CNST: variants seen among roughly 807,000 people sequenced by gnomAD.
CNST encodes consortin.
A neutral mutation model predicts 72.4 loss-of-function variants in CNST; 39 were observed. The observed-to-expected ratio is 0.54, with a 90% CI of 0.42 to 0.70. The LOEUF (loss-of-function observed/expected upper bound fraction) is 0.70, where lower values mean the gene tolerates loss of function less well. Ranked by LOEUF, CNST falls within the 30% of genes least tolerant of loss-of-function variation. CNST has a pLI of 0.00. For missense variants in CNST, 871 were observed against 868.5 expected (o/e 1.00, Z -0.04); for synonymous variants, 332 against 320.1 (o/e 1.04, Z -0.40).
chr1:246,632,983 G>A (rs1188982733), intron 4 of CNST, among the ~76,000 whole-genome samples: 1 of 152,208 alleles, frequency 6.6e-6, no homozygotes, highest in Non-Finnish European at 1.5e-5. Context: ...AGGGAAACAT[G>A]TAGATTCCAG....
rs144292011 is a variant in CNST, at chr1:246,660,360, C to T, written c.1972+26C>T. ...GTAAACCGCTTGGCACTGTGGCTAG[C>T]AGGATAGATGCTCAGTGTTTGCTGA... On this transcript the variant is annotated intron_variant, in intron 10 of 10. Transcript: ENST00000366513. 20,255 of 1,602,622 alleles carry T rather than the reference C, an allele frequency of 0.013. 199 individuals are homozygous for T. Among genetic ancestry groups the T allele is most frequent in the Middle Eastern group, 0.02 (120 of 6,000 alleles).
intron 10 of CNST, among the ~76,000 whole-genome samples, chr1:246,664,567 T>C (rs770368046): frequency 7.2e-5 from 11 of 152,136 alleles, no homozygotes; most frequent in East Asian, 3.9e-4. Context: ...GCTGAGACTA[T>C]AGGCACCTGC....
intron 2 of CNST, among the ~76,000 whole-genome samples, chr1:246,615,481 A>C (rs1488667176): frequency 6.6e-6 from 1 of 151,350 alleles, no homozygotes; most frequent in Non-Finnish European, 1.5e-5. Flanking sequence ...GGCCACAAAT[A>C]ATTTTTAAAA....
intron 6 of CNST, among the ~76,000 whole-genome samples, chr1:246,637,218 T>C (rs1665332490): frequency 1.3e-5 from 2 of 152,162 alleles, no homozygotes; most frequent in African/African-American, 2.4e-5. Flanking sequence ...ATGGACCCAG[T>C]TGGGGAGTCC....
At chr1:246,621,404 T>C (rs781653180) in intron 2 of CNST, 25 bp from the exon 3 acceptor site, 4 of 1,524,558 alleles carry the variant, frequency 2.6e-6, no homozygotes, top group East Asian at 2.2e-5. Context: ...GATCCTAACA[T>C]AGGCATTTTC....
intron 8 of CNST, among the ~76,000 whole-genome samples, chr1:246,646,237 G>A (rs909252548): frequency 7.4e-6 from 1 of 135,904 alleles, no homozygotes; most frequent in Non-Finnish European, 1.5e-5. Flanking sequence ...CCGAGATCGC[G>A]CCACTGTGCT....
intron 6 of CNST, among the ~76,000 whole-genome samples, chr1:246,638,305 G>A (rs114751751): frequency 0.012 from 1,756 of 152,268 alleles, 38 homozygotes; most frequent in Non-Finnish European, 0.013. Context: ...GGCCTTGCAC[G>A]GTTGTAGGGC....
intron 2 of CNST, among the ~76,000 whole-genome samples, chr1:246,598,149 A>ATTT (rs56847805): frequency 2.7e-4 from 36 of 135,584 alleles, no homozygotes; most frequent in African/African-American, 4.3e-4. Flanking sequence ...GCTCAGCTGA[A>ATTT]TTTTTTTTTT....
chr1:246,647,803 A>T lies in CNST; in HGVS notation c.1602A>T (p.Gly534=). Residue 534 remains glycine, a synonymous_variant, in exon 9 of 11, where the codon GGA becomes GGT. Coordinates refer to ENST00000366513, the MANE Select transcript of CNST (RefSeq NM_152609.3). ...PEVCMAPEEK[G]DKDDQLNKET... ...TGTGTATGGCCCCAGAGGAAAAGGGAGATAAAGACGACCAACTCAACAAAG... is the reference window on the plus strand; with the variant it reads ...TGTGTATGGCCCCAGAGGAAAAGGGTGATAAAGACGACCAACTCAACAAAG... The T allele has an allele frequency of 6.2e-7, 1 of 1,614,192 alleles. No individual in the cohort carries two copies. The highest frequency in any genetic ancestry group is 8.5e-7 in the Non-Finnish European group (1 of 1,180,034).
rs1312580828 is a variant in CNST, at chr1:246,668,228, A to C, written c.*2323A>C. 6.6e-6 allele frequency: 1 copy of C among 152,192 alleles called. No individual in the cohort carries two copies. The highest frequency in any genetic ancestry group is 1.5e-5 in the Non-Finnish European group (1 of 68,030). The allele number at this position is 152,192 out of a possible 1,614,324, so 9.4% of individuals were successfully genotyped here. A position where few individuals can be genotyped will look rare whatever the true frequency, so the allele number is the denominator to read the frequency against. ...GAAAAATTCATCCAGTTTTACTAAAATGTAATTTTTTCTGTCATTTGAAAG... is the reference window on the plus strand; with the variant it reads ...GAAAAATTCATCCAGTTTTACTAAACTGTAATTTTTTCTGTCATTTGAAAG... On this transcript the variant is annotated 3_prime_UTR_variant, in exon 11 of 11. Transcript: ENST00000366513.
intron 8 of CNST, among the ~76,000 whole-genome samples, chr1:246,643,982 C>T (rs572783575): frequency 6.6e-6 from 1 of 152,284 alleles, no homozygotes; most frequent in Non-Finnish European, 1.5e-5. Flanking sequence ...TATCTCAGTT[C>T]ATTAGATACC....
At chr1:246,636,201 G>A (rs1262447328) in intron 6 of CNST, among the ~76,000 whole-genome samples, 1 of 152,050 alleles carries the variant, frequency 6.6e-6, no homozygotes, top group Non-Finnish European at 1.5e-5. Context: ...GCCACCACTC[G>A]GCTGTGGAGG....
chr1:246,652,742 C>T (rs372533737), intron 9 of CNST, among the ~76,000 whole-genome samples: 19 of 152,012 alleles, frequency 1.2e-4, no homozygotes, highest in Admixed American at 3.3e-4. Flanking sequence ...CAGTGGCTCA[C>T]GCCTGTAATC....
chr1:246,632,057 G>A (rs931340924), intron 4 of CNST, 133 bp downstream of exon 4: 5 of 589,868 alleles, frequency 8.5e-6, no homozygotes, highest in African/African-American at 7.8e-5. Context: ...ACAGTTGTAT[G>A]TACCCGTGTA....
At chr1:246,632,101 G>C (rs893301587) in intron 4 of CNST, 177 bp downstream of exon 4, 44 of 474,298 alleles carry the variant, frequency 9.3e-5, no homozygotes, top group Admixed American at 2.8e-4. Context: ...GGAAATTTCT[G>C]TCTCTTCACA....
chr1:246,637,223 G>T (rs1665333742), intron 6 of CNST, among the ~76,000 whole-genome samples: 1 of 152,198 alleles, frequency 6.6e-6, no homozygotes, highest in Non-Finnish European at 1.5e-5. Flanking sequence ...CCCAGTTGGG[G>T]AGTCCTTGGA....
chr1:246,569,199 AAAG>A (rs1399066323), intron 1 of CNST, among the ~76,000 whole-genome samples: 3 of 152,218 alleles, frequency 2.0e-5, no homozygotes, highest in African/African-American at 7.2e-5. Flanking sequence ...AAGAAAGTAA[AAAG>A]AAACAGGTAA....
intron 9 of CNST, among the ~76,000 whole-genome samples, chr1:246,659,183 GCA>G (rs1220546583): frequency 1.3e-5 from 2 of 152,220 alleles, no homozygotes; most frequent in Non-Finnish European, 2.9e-5. Flanking sequence ...AAGCAGCTGT[GCA>G]CAGTGTTCAG....
chr1:246,566,753 G>T (rs1572097425), intron 1 of CNST, 90 bp downstream of exon 1: 5 of 399,248 alleles, frequency 1.3e-5, no homozygotes, highest in African/African-American at 2.1e-5. Context: ...CTCCCCCTGC[G>T]CTGTCCTCCT....
Sources: allele counts gnomAD v4.1 joint callset (sites outside exome capture counted in the v4.1 genomes callset), GRCh38; gene constraint gnomAD v4.1.1; transcripts MANE v1.5; gene names NCBI Gene and HGNC (gene_info 2026-07-23, HGNC 2026-07-21).